KHDRBS3: variants seen among roughly 807,000 people sequenced by gnomAD.
KHDRBS3 encodes the protein KH RNA binding domain containing, signal transduction associated 3, also known as KH domain-containing, RNA-binding, signal transduction-associated protein 3.
KHDRBS3 carries 23 observed loss-of-function variants against 45.6 expected under a neutral mutation model. That is an observed-to-expected ratio of 0.50 (90% CI 0.36 to 0.72). KHDRBS3 has a LOEUF of 0.72. Ranked by LOEUF, KHDRBS3 falls within the 30% of genes least tolerant of loss-of-function variation. KHDRBS3 has a pLI of 0.00. For missense variants in KHDRBS3, 352 were observed against 424.8 expected (o/e 0.83, Z 1.51); for synonymous variants, 162 against 156.5 (o/e 1.04, Z -0.26).
At chr8:135,471,109 CGTT>C (rs1172395758) in intron 1 of KHDRBS3, among the ~76,000 whole-genome samples, 6 of 152,138 alleles carry the variant, frequency 3.9e-5, no homozygotes, top group African/African-American at 9.7e-5. Flanking sequence ...AATTGATACT[CGTT>C]GTATACTCCT....
chr8:135,643,945 C>G (rs569667107), intron 7 of KHDRBS3, among the ~76,000 whole-genome samples: 1 of 152,292 alleles, frequency 6.6e-6, no homozygotes, highest in Admixed American at 6.5e-5. Context: ...AGGTGTTAAA[C>G]ATCTGAGCTG....
At chr8:135,467,555 C>G (rs952356401) in intron 1 of KHDRBS3, among the ~76,000 whole-genome samples, 1 of 152,234 alleles carries the variant, frequency 6.6e-6, no homozygotes, top group Non-Finnish European at 1.5e-5. Flanking sequence ...TTTTGGAAAA[C>G]TATACAAAAA....
intron 6 of KHDRBS3, among the ~76,000 whole-genome samples, chr8:135,585,188 C>T (rs528542846): frequency 7.8e-5 from 11 of 140,378 alleles, no homozygotes; most frequent in Middle Eastern, 4.0e-3. Flanking sequence ...GTGATCGCCC[C>T]ACTGCACCCC....
intron 7 of KHDRBS3, among the ~76,000 whole-genome samples, chr8:135,627,713 G>A (rs1306984968): frequency 1.3e-5 from 2 of 152,106 alleles, no homozygotes; most frequent in African/African-American, 4.8e-5. Context: ...ATAACCATGA[G>A]GAGAACATTT....
At chr8:135,651,630 G>GAT (rs1207694622), downstream of KHDRBS3, among the ~76,000 whole-genome samples, 1 of 152,134 alleles carries the variant, frequency 6.6e-6, no homozygotes, top group Non-Finnish European at 1.5e-5. Flanking sequence ...CCCTTGGGCA[G>GAT]ATATAGTGCC....
intron 1 of KHDRBS3, among the ~76,000 whole-genome samples, chr8:135,460,412 ATGTTC>A (rs1563692795): frequency 6.6e-6 from 1 of 152,222 alleles, no homozygotes; most frequent in African/African-American, 2.4e-5. Context: ...GGTAAGGCAG[ATGTTC>A]ATGTCTTCTC....
chr8:135,552,463 C>T (rs145102180), intron 4 of KHDRBS3, among the ~76,000 whole-genome samples: 43 of 152,242 alleles, frequency 2.8e-4, no homozygotes, highest in African/African-American at 1.0e-3. Context: ...GCAATTCCAA[C>T]ATCTGGGCCC....
chr8:135,589,881 G>A (rs1479767120), intron 6 of KHDRBS3, among the ~76,000 whole-genome samples: 3 of 152,192 alleles, frequency 2.0e-5, no homozygotes, highest in Non-Finnish European at 4.4e-5. Context: ...AGCACACTTA[G>A]TGCAATAAAA....
intron 3 of KHDRBS3, among the ~76,000 whole-genome samples, chr8:135,545,546 C>T (rs1479667446): frequency 1.3e-5 from 2 of 152,202 alleles, no homozygotes; most frequent in African/African-American, 4.8e-5. Context: ...TTCAGCCGCA[C>T]ACAGACTTGA....
At chr8:135,587,698 A>C (rs2130948401) in intron 6 of KHDRBS3, among the ~76,000 whole-genome samples, 1 of 152,326 alleles carries the variant, frequency 6.6e-6, no homozygotes, top group South Asian at 2.1e-4. Flanking sequence ...TTAATAATTT[A>C]AAATGCTGGT....
intron 2 of KHDRBS3, among the ~76,000 whole-genome samples, chr8:135,524,727 T>C (rs1825093145): frequency 6.6e-6 from 1 of 152,086 alleles, no homozygotes; most frequent in Non-Finnish European, 1.5e-5. Context: ...TCAGATTTTA[T>C]AACTTTTACT....
At chr8:135,481,519 A>G (rs928378608) in intron 1 of KHDRBS3, among the ~76,000 whole-genome samples, 1 of 152,066 alleles carries the variant, frequency 6.6e-6, no homozygotes, top group African/African-American at 2.4e-5. Context: ...GAAGGCAGGG[A>G]CTGTGTATGC....
At chr8:135,621,563 T>G (rs1830140190) in intron 7 of KHDRBS3, among the ~76,000 whole-genome samples, 1 of 152,242 alleles carries the variant, frequency 6.6e-6, no homozygotes, top group African/African-American at 2.4e-5. Flanking sequence ...GGCAGGAATC[T>G]TCATCCTGTT....
chr8:135,531,910 T>C (rs1287706915), intron 2 of KHDRBS3, among the ~76,000 whole-genome samples: 2 of 152,130 alleles, frequency 1.3e-5, no homozygotes, highest in African/African-American at 4.8e-5. Context: ...TCCTGAAATA[T>C]TTGTGATATT....
At chr8:135,601,607 A>G (rs1252392476) in intron 6 of KHDRBS3, among the ~76,000 whole-genome samples, 1 of 152,216 alleles carries the variant, frequency 6.6e-6, no homozygotes, top group Non-Finnish European at 1.5e-5. Context: ...AGGAGCAAAT[A>G]TGGAAATGTG....
chr8:135,509,437 A>G (rs1824165931), intron 1 of KHDRBS3, among the ~76,000 whole-genome samples: 1 of 152,190 alleles, frequency 6.6e-6, no homozygotes, highest in Non-Finnish European at 1.5e-5. Context: ...TCCAGTATAG[A>G]GTCTAGAATA....
At chr8:135,458,151 G>C in intron 1 of KHDRBS3, 197 bp downstream of exon 1, 5 of 1,352,446 alleles carry the variant, frequency 3.7e-6, no homozygotes, top group East Asian at 6.3e-5. Context: ...TGTGAATTTT[G>C]GGGACTTGGA....
intron 5 of KHDRBS3, among the ~76,000 whole-genome samples, chr8:135,579,376 A>G (rs1451368310): frequency 1.3e-5 from 2 of 152,150 alleles, no homozygotes; most frequent in South Asian, 2.1e-4. Flanking sequence ...TCTGTCACCC[A>G]GGCTGGAGTG....
chr8:135,572,504 C>T (rs938292466), intron 5 of KHDRBS3, among the ~76,000 whole-genome samples: 1 of 151,912 alleles, frequency 6.6e-6, no homozygotes, highest in African/African-American at 2.4e-5. Flanking sequence ...GGATGAAACA[C>T]AGAATAAAGA....
Sources: gnomAD v4.1 joint callset for allele counts (sites outside exome capture counted in the v4.1 genomes callset) on GRCh38, gnomAD v4.1.1 for gene constraint, MANE v1.5 for transcripts, NCBI Gene and HGNC (gene_info 2026-07-23, HGNC 2026-07-21) for gene names.